Variants in YPEL2 observed in about 807,000 individuals in gnomAD.
YPEL2 encodes the protein protein yippee-like 2.
YPEL2 carries 2 observed loss-of-function variants against 19.1 expected under a neutral mutation model. The ratio of observed to expected loss-of-function variants is 0.10; its 90% CI spans 0.04 to 0.33. The LOEUF is 0.33. Among genes scored for constraint, YPEL2 ranks in the 10% least tolerant of loss-of-function variants. YPEL2 has a pLI of 1.00. For missense variants in YPEL2, 66 were observed against 140.7 expected, an observed-to-expected ratio of 0.47 and a Z score of 2.68; for synonymous variants, 52 against 50.0, an observed-to-expected ratio of 1.04 and a Z score of -0.17.
chr17:59,377,557 C>A (rs1187692966), intron 2 of YPEL2, among the ~76,000 whole-genome samples: 1 of 152,214 alleles, frequency 6.6e-6, no homozygotes, highest in Non-Finnish European at 1.5e-5. Context: ...ACTTCCCATG[C>A]CTCACTCCCT....
At position 59,348,041 on chromosome 17, in the gene YPEL2, C is replaced by G. The variant is rs137934151; in HGVS notation, c.-195-5174C>G. ...AGCTCTGTGTAAGCACTGAGATCAT[C>G]TCACTTAACACCTAGAACCCCTGTG... On this transcript the variant is annotated intron_variant, in intron 1 of 4. Transcript: ENST00000312655. Among the ~76,000 whole-genome samples, 6 of 152,292 alleles carry G rather than the reference C, an allele frequency of 3.9e-5. No individual in the cohort carries two copies. In the East Asian group the frequency reaches 1.2e-3, roughly 29 times the overall value.
chr17:59,397,028 C>CA, intron 4 of YPEL2, 73 bp from the exon 5 acceptor site: 2 of 1,277,054 alleles, frequency 1.6e-6, no homozygotes. Context: ...GAGACTGCCT[C>CA]AAAAAAGAAA....
intron 1 of YPEL2, among the ~76,000 whole-genome samples, chr17:59,338,583 G>C (rs545561744): frequency 1.3e-5 from 2 of 152,290 alleles, no homozygotes; most frequent in Non-Finnish European, 2.9e-5. Flanking sequence ...AGGCACTGAG[G>C]TGTGAATATA....
intron 2 of YPEL2, among the ~76,000 whole-genome samples, chr17:59,379,306 A>T (rs564473217): frequency 6.6e-6 from 1 of 152,244 alleles, no homozygotes; most frequent in South Asian, 2.1e-4. Context: ...TTTGGAATGG[A>T]ACCTATAGCT....
intron 2 of YPEL2, among the ~76,000 whole-genome samples, chr17:59,365,721 CTGGGG>C (rs1269860787): frequency 6.6e-6 from 1 of 152,208 alleles, no homozygotes; most frequent in Non-Finnish European, 1.5e-5. Flanking sequence ...AGTATTATCT[CTGGGG>C]TAAGGGCTGC....
intron 1 of YPEL2, among the ~76,000 whole-genome samples, chr17:59,347,218 A>G (rs1245542732): frequency 6.6e-6 from 1 of 152,220 alleles, no homozygotes; most frequent in Non-Finnish European, 1.5e-5. Flanking sequence ...AGTGAGGTCC[A>G]GAGAGGTTAG....
chr17:59,358,755 G>A (rs1053688086), intron 2 of YPEL2, among the ~76,000 whole-genome samples: 3 of 151,858 alleles, frequency 2.0e-5, no homozygotes, highest in East Asian at 1.9e-4. Flanking sequence ...GATTATAGGC[G>A]CCCGCCTCCA....
intron 2 of YPEL2, among the ~76,000 whole-genome samples, chr17:59,356,971 G>A (rs1166507773): frequency 6.6e-6 from 1 of 152,142 alleles, no homozygotes; most frequent in Non-Finnish European, 1.5e-5. Context: ...AATTTGGGGA[G>A]GCATTCAGAC....
chr17:59,388,420 T>C (rs768882009), intron 3 of YPEL2, 50 bp downstream of exon 3: 3 of 1,576,484 alleles, frequency 1.9e-6, no homozygotes, highest in South Asian at 1.1e-5. Context: ...ATTCGAGGGA[T>C]GGGAAAAAGC....
intron 1 of YPEL2, among the ~76,000 whole-genome samples, chr17:59,348,294 C>T (rs2047767205): frequency 6.6e-6 from 1 of 152,218 alleles, no homozygotes; most frequent in Non-Finnish European, 1.5e-5. Context: ...TAGAGAGTCC[C>T]ACTTCTCAGG....
chr17:59,333,837 C>T (rs2047684678), intron 1 of YPEL2, among the ~76,000 whole-genome samples: 1 of 152,132 alleles, frequency 6.6e-6, no homozygotes, highest in South Asian at 2.1e-4. Context: ...GCATTTTTAC[C>T]AGGGGACCTA....
Position 59,367,170 on chromosome 17 carries a change from G to A in YPEL2, c.117+13644G>A, listed in dbSNP as rs115800253. Among the ~76,000 whole-genome samples the A allele has an allele frequency of 1.3e-3, 192 of 152,290 alleles. 1 individual carries two copies. Among genetic ancestry groups the A allele is most frequent in the African/African-American group, 4.4e-3 (183 of 41,538 alleles). On this transcript the variant is annotated intron_variant, in intron 2 of 4. Coordinates refer to ENST00000312655, the MANE Select transcript of YPEL2 (RefSeq NM_001005404.4). The stretch of plus-strand genomic sequence containing the variant: ...TATTTATTCAGTAAACATTAATTGA[G>A]TGCCATTATGTGCCAGGCCATGTGC...
chr17:59,381,901 A>G (rs556237990), intron 2 of YPEL2, among the ~76,000 whole-genome samples: 95 of 151,978 alleles, frequency 6.3e-4, no homozygotes, highest in Non-Finnish European at 1.1e-3. Flanking sequence ...CTTTATTCTA[A>G]TTGCTTCCTT....
At chr17:59,355,846 A>G (rs1382055073) in intron 2 of YPEL2, 2 of 152,210 alleles carry the variant, frequency 1.3e-5, no homozygotes, top group African/African-American at 2.4e-5. Context: ...ACAGGCTTCA[A>G]TTTCATTGGC....
At chr17:59,332,860 T>A (rs547618538) in intron 1 of YPEL2, among the ~76,000 whole-genome samples, 2 of 152,210 alleles carry the variant, frequency 1.3e-5, no homozygotes, top group Non-Finnish European at 2.9e-5. Context: ...TGATTTGCTG[T>A]CCTTGCAACT....
At chr17:59,336,676 A>G (rs989391600) in intron 1 of YPEL2, among the ~76,000 whole-genome samples, 1 of 152,206 alleles carries the variant, frequency 6.6e-6, no homozygotes, top group Non-Finnish European at 1.5e-5. Context: ...GCTATTAATA[A>G]CAGCACTAAC....
intron 1 of YPEL2, among the ~76,000 whole-genome samples, chr17:59,338,659 T>G (rs1279219812): frequency 6.6e-6 from 1 of 151,940 alleles, no homozygotes; most frequent in Non-Finnish European, 1.5e-5. Flanking sequence ...TGGGATGTAG[T>G]TCTCAGCTAC....
intron 2 of YPEL2, among the ~76,000 whole-genome samples, chr17:59,365,467 G>A (rs1473987389): frequency 1.3e-5 from 2 of 152,198 alleles, no homozygotes; most frequent in African/African-American, 2.4e-5. Flanking sequence ...GAGGACCTCA[G>A]TTGGCTGTGA....
chr17:59,343,928 C>T (rs182259156), intron 1 of YPEL2, among the ~76,000 whole-genome samples: 1 of 152,248 alleles, frequency 6.6e-6, no homozygotes, highest in Non-Finnish European at 1.5e-5. Context: ...CACAGTGCTG[C>T]TGCTGGTGAC....
Sources: allele counts gnomAD v4.1 joint callset (sites outside exome capture counted in the v4.1 genomes callset), GRCh38; gene constraint gnomAD v4.1.1; transcripts MANE v1.5; gene names NCBI Gene and HGNC (gene_info 2026-07-23, HGNC 2026-07-21).